TEC: variants seen among roughly 807,000 people sequenced by gnomAD.
TEC encodes the protein tec protein tyrosine kinase, also known as tyrosine-protein kinase Tec.
Under a neutral mutation model 93.0 loss-of-function variants are expected in TEC, and 72 were observed. That is an observed-to-expected ratio of 0.77 (90% CI 0.64 to 0.94). TEC has a LOEUF of 0.94. Ranked by LOEUF, TEC falls within the 40% of genes least tolerant of loss-of-function variation. The pLI, the probability that TEC is intolerant of heterozygous loss-of-function variation, is 0.00. For synonymous variants in TEC, 249 were observed against 247.7 expected (o/e 1.01, Z -0.05); for missense variants, 630 against 757.9 (o/e 0.83, Z 1.98).
intron 1 of TEC, among the ~76,000 whole-genome samples, chr4:48,254,318 G>C (rs1166324506): frequency 1.3e-5 from 2 of 152,212 alleles, no homozygotes; most frequent in Non-Finnish European, 2.9e-5. Context: ...GGACAAAGGG[G>C]TTTTGCAGGA....
At chr4:48,190,180 G>T (rs1437582060) in intron 2 of TEC, among the ~76,000 whole-genome samples, 1 of 152,154 alleles carries the variant, frequency 6.6e-6, no homozygotes, top group Admixed American at 6.5e-5. Flanking sequence ...TGTCTGAAAT[G>T]CCAGGTGAGT....
At position 48,212,110 on chromosome 4, in the gene TEC, A is replaced by AAAAATATATATATAT; in HGVS notation, c.138+16366_138+16367insATATATATATATTTT. On this transcript the variant is annotated intron_variant, in intron 2 of 17. Transcript: ENST00000381501. ...TGAGACTCTGTCTCAAAAAAAAAAAAATATATATATATATATATATATGTA... is the reference window on the plus strand; with the variant it reads ...TGAGACTCTGTCTCAAAAAAAAAAAAAAAATATATATATATATATATATATATATATATATATGTA... Among the ~76,000 whole-genome samples the AAAAATATATATATAT allele has an allele frequency of 2.5e-3, 302 of 122,154 alleles. 3 individuals are homozygous for AAAAATATATATATAT. The highest frequency in any genetic ancestry group is 8.7e-3 in the African/African-American group (293 of 33,490). 80.1% of individuals were successfully genotyped at this position (122,154 alleles called of 152,430 possible). A position where few individuals can be genotyped will look rare whatever the true frequency, so the allele number is the denominator to read the frequency against.
chr4:48,236,131 A>G (rs890262697), intron 1 of TEC, among the ~76,000 whole-genome samples: 12 of 152,206 alleles, frequency 7.9e-5, no homozygotes, highest in African/African-American at 2.9e-4. Context: ...TAAGAGCCAC[A>G]ACAAACTCTT....
intron 2 of TEC, among the ~76,000 whole-genome samples, chr4:48,183,540 T>C (rs893702086): frequency 6.6e-6 from 1 of 152,210 alleles, no homozygotes; most frequent in Non-Finnish European, 1.5e-5. Flanking sequence ...GAAAGCGAAC[T>C]CTTTTCTTAA....
intron 10 of TEC, among the ~76,000 whole-genome samples, chr4:48,150,178 A>G (rs1156798): frequency 2.6e-5 from 4 of 152,172 alleles, no homozygotes; most frequent in African/African-American, 9.7e-5. Context: ...AGTCACTGAC[A>G]TTGACATGAA....
intron 1 of TEC, among the ~76,000 whole-genome samples, chr4:48,254,114 C>T (rs961205073): frequency 2.4e-4 from 36 of 152,130 alleles, no homozygotes; most frequent in Admixed American, 2.4e-3. Flanking sequence ...CCATAATTAA[C>T]GACTCCCATT....
At chr4:48,264,364 C>T (rs1312523367) in intron 1 of TEC, among the ~76,000 whole-genome samples, 1 of 152,204 alleles carries the variant, frequency 6.6e-6, no homozygotes, top group Non-Finnish European at 1.5e-5. Context: ...CTGGAGTTTC[C>T]TCCCTACTCC....
chr4:48,144,989 A>T (rs1719842747), intron 14 of TEC, 90 bp downstream of exon 14: 2 of 1,127,372 alleles, frequency 1.8e-6, no homozygotes. Context: ...AAGAACAAAA[A>T]TTGGCTATTA....
rs1265429954 is a variant in TEC at position 48,179,361 on chromosome 4, TATATATATATATA to T, written c.139-3188_139-3176del. ...TAGTATATATATATATATATATATA[TATATATATATATA>T]TATTTTTTTTTTTTTTTTTTTTTTT... On this transcript the variant is annotated intron_variant, in intron 2 of 17. Coordinates refer to ENST00000381501, the MANE Select transcript of TEC (RefSeq NM_003215.3). 3.8e-3 allele frequency among the ~76,000 whole-genome samples: 165 copies of T among 43,958 alleles called. 2 individuals carry two copies. The highest frequency in any genetic ancestry group is 0.024 in the South Asian group (24 of 986). The allele number at this position is 43,958 out of a possible 152,430, so 28.8% of individuals were successfully genotyped here. A position where few individuals can be genotyped will look rare whatever the true frequency, so the allele number is the denominator to read the frequency against.
intron 1 of TEC, among the ~76,000 whole-genome samples, chr4:48,241,101 T>C (rs2109656671): frequency 6.6e-6 from 1 of 152,304 alleles, no homozygotes. Context: ...TCTAATGACA[T>C]TGTCATATGT....
intron 3 of TEC, among the ~76,000 whole-genome samples, chr4:48,172,915 G>A (rs1406320336): frequency 6.6e-6 from 1 of 152,118 alleles, no homozygotes; most frequent in East Asian, 1.9e-4. Flanking sequence ...AATTGACATT[G>A]AGATGTCTGG....
At chr4:48,259,734 A>G (rs1286917420) in intron 1 of TEC, among the ~76,000 whole-genome samples, 2 of 151,818 alleles carry the variant, frequency 1.3e-5, no homozygotes, top group African/African-American at 4.8e-5. Context: ...AAAAAAAAGA[A>G]AGATGTCAAA....
At chr4:48,165,591 G>C (rs1357020865) in intron 7 of TEC, among the ~76,000 whole-genome samples, 1 of 151,072 alleles carries the variant, frequency 6.6e-6, no homozygotes, top group African/African-American at 2.5e-5. Flanking sequence ...CTAAAAGTAG[G>C]ACATCCAGAG....
intron 8 of TEC, among the ~76,000 whole-genome samples, chr4:48,156,936 C>G (rs1480431501): frequency 6.6e-6 from 1 of 152,080 alleles, no homozygotes; most frequent in Non-Finnish European, 1.5e-5. Context: ...TCTATGAAAA[C>G]ATGTATGTAT....
At chr4:48,188,682 T>C (rs1260819498) in intron 2 of TEC, among the ~76,000 whole-genome samples, 2 of 152,250 alleles carry the variant, frequency 1.3e-5, no homozygotes, top group Non-Finnish European at 2.9e-5. Flanking sequence ...CACATACTTA[T>C]ACAAGTACTT....
chr4:48,140,901 T>C (rs1234350928), intron 15 of TEC, among the ~76,000 whole-genome samples: 1 of 152,150 alleles, frequency 6.6e-6, no homozygotes, highest in African/African-American at 2.4e-5. Flanking sequence ...TTATTCTCTA[T>C]ATGGTTCAGC....
At chr4:48,190,325 C>T (rs768686389) in intron 2 of TEC, among the ~76,000 whole-genome samples, 1 of 152,198 alleles carries the variant, frequency 6.6e-6, no homozygotes, top group Non-Finnish European at 1.5e-5. Flanking sequence ...CTCTCTACAA[C>T]AAATTTCAAT....
Position 48,209,393 on chromosome 4 carries a change from A to G in TEC, c.138+19084T>C, listed in dbSNP as rs542371589. ...TGAGGTGGGAGGACTACTTGAGCCC[A>G]GGAGTTTGAGACCAGCCTGGCAACA... On this transcript the variant is annotated intron_variant, in intron 2 of 17. Transcript: ENST00000381501. Among the ~76,000 whole-genome samples, 3 of 152,248 alleles carry G rather than the reference A, an allele frequency of 2.0e-5. No individual in the cohort carries two copies. The South Asian group carries it at 6.2e-4, about 32-fold the overall frequency.
At chr4:48,254,927 G>A (rs2109673458) in intron 1 of TEC, among the ~76,000 whole-genome samples, 1 of 151,900 alleles carries the variant, frequency 6.6e-6, no homozygotes, top group Non-Finnish European at 1.5e-5. Context: ...GAGTCTACAG[G>A]GATGAGAGGC....
Sources: allele counts gnomAD v4.1 joint callset (sites outside exome capture counted in the v4.1 genomes callset), GRCh38; gene constraint gnomAD v4.1.1; transcripts MANE v1.5; gene names NCBI Gene and HGNC (gene_info 2026-07-23, HGNC 2026-07-21).